Variants in GYG1 observed in about 807,000 individuals in gnomAD.
GYG1 encodes glycogenin-1.
Under a neutral mutation model 41.9 loss-of-function variants are expected in GYG1, and 44 were observed. The observed-to-expected ratio is 1.05, with a 90% CI of 0.83 to 1.35. The LOEUF is 1.35. Among genes scored for constraint, GYG1 ranks in the 40% most tolerant of loss-of-function variants. GYG1 has a pLI of 0.00. For missense variants in GYG1, 429 were observed against 418.9 expected, an observed-to-expected ratio of 1.02 and a Z score of -0.21; for synonymous variants, 141 against 158.1, an observed-to-expected ratio of 0.89 and a Z score of 0.81.
intron 4 of GYG1, chr3:149,008,202 C>G (rs1713512715): frequency 6.6e-6 from 1 of 152,206 alleles, no homozygotes; most frequent in African/African-American, 2.4e-5. Context: ...TTCCATTGTT[C>G]CAGTTTGCTC....
At position 148,996,440 on chromosome 3, in the gene GYG1, G is replaced by A. The variant is rs1418586143; in HGVS notation, c.282G>A (p.Gln94=). Residue 94 remains glutamine (Q), a synonymous_variant, in exon 3 of 8, where the codon CAG becomes CAA. Coordinates refer to ENST00000345003, the MANE Select transcript of GYG1 (RefSeq NM_004130.4). ...AGCTCCACTGCTGGTCGCTTACACA[G>A]TATTCAAAATGTGTATTCATGGATG... ...LTKLHCWSLT[Q]YSKCVFMDAD... is the part of the protein sequence containing the mutation. 2.5e-6 allele frequency: 4 copies of A among 1,613,902 alleles called. No homozygotes were observed.
At chr3:149,018,801 G>A (rs143093592) in intron 5 of GYG1, among the ~76,000 whole-genome samples, 123 of 152,186 alleles carry the variant, frequency 8.1e-4, no homozygotes, top group African/African-American at 2.8e-3. Flanking sequence ...GTAATGTCAG[G>A]CCCACACCTG....
intron 5 of GYG1, among the ~76,000 whole-genome samples, chr3:149,016,847 G>T (rs1052618680): frequency 5.9e-5 from 9 of 152,208 alleles, no homozygotes; most frequent in African/African-American, 1.9e-4. Context: ...GCTTGTGTGT[G>T]GCTCTGCCCA....
At chr3:149,023,234 C>T (rs906756562) in intron 5 of GYG1, among the ~76,000 whole-genome samples, 2 of 152,184 alleles carry the variant, frequency 1.3e-5, no homozygotes, top group East Asian at 1.9e-4. Context: ...CACTTCTGCT[C>T]ATATTGCATT....
intron 5 of GYG1, 100 bp from the exon 6 acceptor site, chr3:149,023,953 C>G: frequency 3.6e-6 from 3 of 832,524 alleles, no homozygotes; most frequent in Non-Finnish European, 4.1e-6. Context: ...GACACTGTCT[C>G]TTAAGAAAGA....
chr3:149,022,784 G>C (rs923990869), intron 5 of GYG1, among the ~76,000 whole-genome samples: 1 of 152,088 alleles, frequency 6.6e-6, no homozygotes, highest in Admixed American at 6.5e-5. Context: ...GTAAGCCACC[G>C]TACCCGGCCT....
chr3:149,005,448 A>G (rs1713341811), intron 4 of GYG1, among the ~76,000 whole-genome samples: 2 of 152,224 alleles, frequency 1.3e-5, no homozygotes, highest in South Asian at 4.1e-4. Flanking sequence ...AGCTGTATAT[A>G]TTACACAGTG....
intron 1 of GYG1, among the ~76,000 whole-genome samples, chr3:148,991,889 C>T (rs909703752): frequency 1.6e-4 from 25 of 152,232 alleles, no homozygotes; most frequent in Admixed American, 7.2e-4. Context: ...GCTCTCGTTC[C>T]TGCTTCCGTC....
rs75191783 is a variant in GYG1 at position 148,999,498 on chromosome 3, A to G, written c.481+2594A>G. ...ATGTGTTAAGCTTTACTTAGCAAAG[A>G]AAGCTCACTCTATACCTTGGGAGGC... On this transcript the variant is annotated intron_variant, in intron 4 of 7. Coordinates refer to ENST00000345003, the MANE Select transcript of GYG1 (RefSeq NM_004130.4). 3.5e-3 allele frequency among the ~76,000 whole-genome samples: 533 copies of G among 152,358 alleles called. 4 individuals are homozygous for G. The highest frequency in any genetic ancestry group is 0.012 in the African/African-American group (515 of 41,582).
At position 148,991,613 on chromosome 3, in the gene GYG1, C is replaced by G; in HGVS notation, c.-28C>G. 3.9e-6 allele frequency: 6 copies of G among 1,555,352 alleles called. No individual in the cohort carries two copies. Among genetic ancestry groups the G allele is most frequent in the Non-Finnish European group, 5.2e-6 (6 of 1,159,304 alleles). The stretch of plus-strand genomic sequence containing the variant: ...CTCTGAGTCACCAACCTGAGGCTGC[C>G]CCGGCCGCCTGCGCACCCGGCAGCA... On this transcript the variant is annotated 5_prime_UTR_variant, in exon 1 of 8. Transcript: ENST00000345003.
chr3:149,029,497 T>C lies in GYG1; in HGVS notation c.*2564T>C, dbSNP rs1714838579. ...ACCTTAATTCTCCTTATACCCATATTGTCCTGCTGTATAACACATTTTGCA... is the reference window on the plus strand; with the variant it reads ...ACCTTAATTCTCCTTATACCCATATCGTCCTGCTGTATAACACATTTTGCA... On this transcript the variant is annotated 3_prime_UTR_variant, in exon 8 of 8. Coordinates refer to ENST00000345003, the MANE Select transcript of GYG1 (RefSeq NM_004130.4). 6.6e-6 allele frequency among the ~76,000 whole-genome samples: 1 copy of C among 152,208 alleles called. No homozygotes were observed. Among genetic ancestry groups the C allele is most frequent in the African/African-American group, 2.4e-5 (1 of 41,444 alleles).
chr3:148,995,688 A>G (rs1049214564), intron 2 of GYG1, among the ~76,000 whole-genome samples: 3 of 152,194 alleles, frequency 2.0e-5, no homozygotes, highest in Non-Finnish European at 2.9e-5. Flanking sequence ...TGGAGACAGA[A>G]TACAATACCA....
At chr3:149,009,045 G>C in intron 4 of GYG1, 1 of 448,278 alleles carries the variant, frequency 2.2e-6, no homozygotes, top group Admixed American at 3.7e-5. Flanking sequence ...TGTAGTCCCA[G>C]CTACTCGGGA....
In GYG1 at chr3:149,031,198, A is replaced by C. The variant is rs1448165717; in HGVS notation, c.*4265A>C. 1 of 152,628 alleles carries C rather than the reference A, an allele frequency of 6.6e-6. No individual in the cohort carries two copies. Among genetic ancestry groups the C allele is most frequent in the African/African-American group, 2.4e-5 (1 of 41,458 alleles). The allele number at this position is 152,628 out of a possible 1,614,324, so 9.5% of individuals were successfully genotyped here. On this transcript the variant is annotated 3_prime_UTR_variant, in exon 8 of 8. Transcript: ENST00000345003. The stretch of plus-strand genomic sequence containing the variant: ...AGAAAAAAGATGACTAATTCTACAG[A>C]TAGCTGTAAGGATGAATTACTCAAG...
intron 4 of GYG1, among the ~76,000 whole-genome samples, chr3:149,005,540 C>T (rs1317168678): frequency 6.6e-6 from 1 of 152,110 alleles, no homozygotes; most frequent in Non-Finnish European, 1.5e-5. Flanking sequence ...ACTAACCATT[C>T]CTGTATGGTA....
chr3:149,022,659 C>G (rs1229235840), intron 5 of GYG1, among the ~76,000 whole-genome samples: 2 of 151,682 alleles, frequency 1.3e-5, no homozygotes, highest in Non-Finnish European at 2.9e-5. Context: ...CCATACCCAG[C>G]TAATTTTTGT....
At chr3:148,999,437 G>A (rs1175559787) in intron 4 of GYG1, among the ~76,000 whole-genome samples, 1 of 152,234 alleles carries the variant, frequency 6.6e-6, no homozygotes, top group East Asian at 1.9e-4. Flanking sequence ...GAATGAATTA[G>A]CAGTTCTCGA....
In GYG1 at chr3:149,029,299, T is replaced by C. The variant is rs928638276; in HGVS notation, c.*2366T>C. ...ATAAAAAGGCAACAGTAATTCAAAT[T>C]ACAAGATTTATATTTGCAGAGGTGA... On this transcript the variant is annotated 3_prime_UTR_variant, in exon 8 of 8. Coordinates refer to ENST00000345003, the MANE Select transcript of GYG1 (RefSeq NM_004130.4). Among the ~76,000 whole-genome samples the C allele has an allele frequency of 6.6e-6, 1 of 152,164 alleles. No individual in the cohort carries two copies. Among genetic ancestry groups the C allele is most frequent in the Admixed American group, 6.5e-5 (1 of 15,276 alleles).
At chr3:148,994,387 G>A (rs747511308) in intron 2 of GYG1, 110 bp downstream of exon 2, 1 of 1,204,102 alleles carries the variant, frequency 8.3e-7, no homozygotes, top group Non-Finnish European at 1.2e-6. Flanking sequence ...TGAGCACCGG[G>A]TAGAGAAAAA....
Sources: allele counts gnomAD v4.1 joint callset (sites outside exome capture counted in the v4.1 genomes callset), GRCh38; gene constraint gnomAD v4.1.1; transcripts MANE v1.5; gene names NCBI Gene and HGNC (gene_info 2026-07-23, HGNC 2026-07-21).